Variants in TMEM67 observed in about 807,000 individuals in gnomAD.
TMEM67 encodes transmembrane protein 67, also known as meckelin.
A neutral mutation model predicts 136.6 loss-of-function variants in TMEM67; 124 were observed. The ratio of observed to expected loss-of-function variants is 0.91; its 90% confidence interval spans 0.78 to 1.05. The LOEUF is 1.05. Among genes scored for constraint, TMEM67 ranks in the 50% least tolerant of loss-of-function variants. The pLI is 0.00. For synonymous variants in TMEM67, 364 were observed against 390.5 expected (o/e 0.93, Z 0.80); for missense variants, 1,107 against 1,178.4 (o/e 0.94, Z 0.89).
At chr8:93,798,939 AGTAGTGTGT>A (rs1814742859) in intron 20 of TMEM67, among the ~76,000 whole-genome samples, 1 of 125,526 alleles carries the variant, frequency 8.0e-6, no homozygotes, top group Admixed American at 8.4e-5. Context: ...TTTGTACTAA[AGTAGTGTGT>A]GTGTGTGTGT....
intron 3 of TMEM67, among the ~76,000 whole-genome samples, chr8:93,761,525 A>C (rs553469862): frequency 2.6e-5 from 4 of 152,318 alleles, no homozygotes; most frequent in African/African-American, 7.2e-5. Flanking sequence ...AGAAGTGTTG[A>C]ATGTTTTTTT....
chr8:93,786,954 T>C (rs532219189), intron 13 of TMEM67, among the ~76,000 whole-genome samples: 2 of 152,214 alleles, frequency 1.3e-5, no homozygotes, highest in African/African-American at 4.8e-5. Context: ...AATATACTTA[T>C]TTTTCAGTTA....
At chr8:93,795,825 A>G in intron 17 of TMEM67, 76 bp from the exon 18 acceptor site, 1 of 1,267,064 alleles carries the variant, frequency 7.9e-7, no homozygotes, top group Non-Finnish European at 1.1e-6. Flanking sequence ...AAAAAACAAA[A>G]ACGAAAACAA....
chr8:93,795,151 C>A, intron 16 of TMEM67: 1 of 536,376 alleles, frequency 1.9e-6, no homozygotes, highest in Non-Finnish European at 3.3e-6. Context: ...AATTAGGAAG[C>A]AGTTCAATTT....
chr8:93,813,288 C>T (rs1808771278), intron 26 of TMEM67, among the ~76,000 whole-genome samples: 1 of 152,118 alleles, frequency 6.6e-6, no homozygotes, highest in Non-Finnish European at 1.5e-5. Flanking sequence ...AAGCAGTTCT[C>T]CTGCCTCAGC....
intron 6 of TMEM67, among the ~76,000 whole-genome samples, chr8:93,766,271 A>C (rs1308946924): frequency 6.6e-6 from 1 of 152,142 alleles, no homozygotes; most frequent in African/African-American, 2.4e-5. Flanking sequence ...GGCACCTGCC[A>C]CTACGCCCGG....
At chr8:93,801,570 T>G (rs560408127) in intron 21 of TMEM67, among the ~76,000 whole-genome samples, 6 of 151,976 alleles carry the variant, frequency 3.9e-5, no homozygotes, top group Admixed American at 1.3e-4. Flanking sequence ...CCCAGCTAAT[T>G]TTTGTGTTTT....
At chr8:93,765,291 C>A in intron 4 of TMEM67, 115 bp from the exon 5 acceptor site, 2 of 800,708 alleles carry the variant, frequency 2.5e-6, no homozygotes, top group Non-Finnish European at 4.1e-6. Context: ...AACATATTTA[C>A]ATAATTGCTT....
At chr8:93,763,705 C>T in intron 3 of TMEM67, 137 bp from the exon 4 acceptor site, 1 of 655,842 alleles carries the variant, frequency 1.5e-6, no homozygotes, top group South Asian at 1.7e-5. Context: ...ACTTGTTATG[C>T]CTTTAATGCA....
Position 93,759,640 on chromosome 8 carries a change from A to T in TMEM67, c.406+1064A>T, listed in dbSNP as rs75984398. Among the ~76,000 whole-genome samples the T allele has an allele frequency of 8.9e-4, 134 of 151,080 alleles. 1 individual carries two copies. In the East Asian group the frequency reaches 0.014, roughly 16 times the overall value. On this transcript the variant is annotated intron_variant, in intron 3 of 27. Coordinates refer to ENST00000453321, the MANE Select transcript of TMEM67 (RefSeq NM_153704.6). ...TAGGCATATCCTTTTTTTTAATTTTAATTTTTATTTTTGTTTTTTTTTTTT... is the reference window on the plus strand; with the variant it reads ...TAGGCATATCCTTTTTTTTAATTTTTATTTTTATTTTTGTTTTTTTTTTTT...
chr8:93,778,211 T>C (rs1349972763), intron 7 of TMEM67, among the ~76,000 whole-genome samples: 1 of 152,264 alleles, frequency 6.6e-6, no homozygotes, highest in Admixed American at 6.5e-5. Flanking sequence ...GCTTGGTATA[T>C]CTTCCTCCAT....
In TMEM67 at chr8:93,758,485, A is replaced by C. The variant is rs1409050727; in HGVS notation, c.315A>C (p.Lys105Asn). ...IICKKCPENM[K>N]GVTEDGWNCI... is the part of the protein sequence containing the mutation. ...GCATTTTTTTTCTTTTAATTTAGAA[A>C]GGTGTTACAGAAGATGGCTGGAACT... Residue 105 changes from lysine (K) to asparagine (N), a missense_variant and splice_region_variant, in exon 3 of 28, where the codon AAA becomes AAC. Physicochemically the swap from Lys to Asn is moderately conservative, Grantham distance 94 (BLOSUM62 0). Coordinates refer to ENST00000453321, the MANE Select transcript of TMEM67 (RefSeq NM_153704.6). 3 of 1,609,706 alleles carry C rather than the reference A, an allele frequency of 1.9e-6. No individual in the cohort carries two copies. The highest frequency in any genetic ancestry group is 1.3e-5 in the African/African-American group (1 of 74,866).
downstream of TMEM67, chr8:93,819,195 AT>A (rs761600404): frequency 1.0e-4 from 44 of 440,374 alleles, no homozygotes; most frequent in South Asian, 2.2e-4. Context: ...CCCAAAATAT[AT>A]TTTTTTCTTG....
At chr8:93,808,783 T>G (rs1355871078) in intron 23 of TMEM67, 57 bp from the exon 24 acceptor site, 2 of 1,130,726 alleles carry the variant, frequency 1.8e-6, no homozygotes, top group African/African-American at 3.1e-5. Flanking sequence ...TATTTTCTTT[T>G]TGAGGCAGGA....
At chr8:93,769,437 C>G (rs969508789) in intron 6 of TMEM67, 1 of 164,686 alleles carries the variant, frequency 6.1e-6, no homozygotes, top group Non-Finnish European at 1.5e-5. Context: ...AATGTCTGTC[C>G]CTCATCTGTC....
At chr8:93,784,843 A>T (rs1244465568) in intron 11 of TMEM67, among the ~76,000 whole-genome samples, 3 of 152,206 alleles carry the variant, frequency 2.0e-5, no homozygotes, top group Non-Finnish European at 2.9e-5. Flanking sequence ...ATCATTGTAC[A>T]GCAGGAGAAA....
chr8:93,826,123 C>CTTTTTTTTTTTTTTTTTTTT, the TMEM67 span, among the ~76,000 whole-genome samples: 1 of 52,372 alleles, frequency 1.9e-5, no homozygotes, highest in African/African-American at 7.3e-5. Context: ...TTAATCATGT[C>CTTTTTTTTTTTTTTTTTTTT]TTTTTTTTTT....
At chr8:93,778,264 G>C (rs1813649866) in intron 7 of TMEM67, among the ~76,000 whole-genome samples, 1 of 152,102 alleles carries the variant, frequency 6.6e-6, no homozygotes, top group Non-Finnish European at 1.5e-5. Context: ...CGTGAGATGG[G>C]TCTCCTGAAT....
chr8:93,802,437 TG>T lies in TMEM67; in HGVS notation c.2242-1166del, dbSNP rs199872735. Among the ~76,000 whole-genome samples the T allele has an allele frequency of 1.1e-3, 167 of 152,330 alleles. 2 individuals are homozygous for T. The East Asian group carries it at 0.03, about 28-fold the overall frequency. The stretch of plus-strand genomic sequence containing the variant: ...GGATCTGTTACTAAAGAGAAAGGAT[TG>T]TTGGGACAGCACCTAGCAATCTCAG... On this transcript the variant is annotated intron_variant, in intron 21 of 27. Coordinates refer to ENST00000453321, the MANE Select transcript of TMEM67 (RefSeq NM_153704.6).
Sources: allele counts gnomAD v4.1 joint callset (sites outside exome capture counted in the v4.1 genomes callset), GRCh38; gene constraint gnomAD v4.1.1; transcripts MANE v1.5; gene names NCBI Gene and HGNC (gene_info 2026-07-23, HGNC 2026-07-21).